EPB41: variants seen among roughly 807,000 people sequenced by gnomAD.
EPB41 encodes erythrocyte membrane protein band 4.1.
Under a neutral mutation model 108.0 loss-of-function variants are expected in EPB41, and 65 were observed. The ratio of observed to expected loss-of-function variants is 0.60; its 90% CI spans 0.49 to 0.74. EPB41 has a LOEUF of 0.74. Among genes scored for constraint, EPB41 ranks in the 30% least tolerant of loss-of-function variants. The probability of loss-of-function intolerance (pLI) is 0.00; values close to 1 mark genes in which losing one functional copy is unlikely to be tolerated. For missense variants in EPB41, 875 were observed against 1,037.0 expected (o/e 0.84, Z 2.15); for synonymous variants, 336 against 358.9 (o/e 0.94, Z 0.72).
Position 29,039,410 on chromosome 1 carries a change from C to T in EPB41, c.1620C>T (p.Ser540=), listed in dbSNP as rs745392056. 23 of 1,613,906 alleles carry T rather than the reference C, an allele frequency of 1.4e-5. No homozygotes were observed. Among genetic ancestry groups the T allele is most frequent in the Admixed American group, 1.7e-5 (1 of 59,990 alleles). Residue 540 remains serine (S), a synonymous_variant, in exon 11 of 21, where the codon TCC becomes TCT. Transcript: ENST00000343067. ...AGCGTACAGCAAGTAAACGGGCGTC[C>T]CGGAGCCTCGATGGAGGTTTGTATT... ...HFERTASKRA[S]RSLDGAAAVD...
chr1:29,030,534 T>C (rs1275015848), intron 8 of EPB41, 47 bp downstream of exon 8: 1 of 1,322,506 alleles, frequency 7.6e-7, no homozygotes, highest in African/African-American at 1.4e-5. Flanking sequence ...GAAGATATTA[T>C]ATGATACATG....
chr1:29,109,198 CA>C (rs957578381), intron 17 of EPB41, 137 bp from the exon 18 acceptor site: 51,508 of 529,752 alleles, frequency 0.097, no homozygotes, highest in Middle Eastern at 0.11. Flanking sequence ...AACTCCGTCT[CA>C]AAAAAAAAAA....
At chr1:28,930,072 CACTA>C (rs1440398226) in intron 1 of EPB41, among the ~76,000 whole-genome samples, 2 of 151,196 alleles carry the variant, frequency 1.3e-5, no homozygotes, top group East Asian at 3.9e-4. Flanking sequence ...CCTAGGTAAG[CACTA>C]ACTACTTTAT....
intron 7 of EPB41, among the ~76,000 whole-genome samples, chr1:29,023,082 C>T (rs1385176540): frequency 1.3e-5 from 2 of 151,194 alleles, no homozygotes; most frequent in African/African-American, 4.9e-5. Flanking sequence ...GCAATCTCCG[C>T]CTGCTTGGTT....
chr1:28,984,848 G>A (rs1330978455), intron 1 of EPB41, among the ~76,000 whole-genome samples: 1 of 152,046 alleles, frequency 6.6e-6, no homozygotes, highest in Non-Finnish European at 1.5e-5. Context: ...TTATAAATAC[G>A]ATGTTTTGCT....
At chr1:28,952,948 C>T (rs887269416) in intron 1 of EPB41, among the ~76,000 whole-genome samples, 1 of 152,118 alleles carries the variant, frequency 6.6e-6, no homozygotes, top group Non-Finnish European at 1.5e-5. Flanking sequence ...AAGCTGGTCT[C>T]GAACTCCTGA....
intron 1 of EPB41, among the ~76,000 whole-genome samples, chr1:28,938,535 A>ATT (rs35883902): frequency 0.13 from 18,778 of 145,102 alleles, 1,460 homozygotes; most frequent in East Asian, 0.35. Context: ...TGATTTTTGA[A>ATT]TTTTTTTTTT....
chr1:28,957,423 G>A (rs958652563), intron 1 of EPB41, among the ~76,000 whole-genome samples: 11 of 151,234 alleles, frequency 7.3e-5, no homozygotes, highest in African/African-American at 2.7e-4. Flanking sequence ...CTTTTTTTTT[G>A]AAACGGAGTC....
chr1:29,008,913 T>C (rs572838207), intron 4 of EPB41, among the ~76,000 whole-genome samples: 3 of 152,340 alleles, frequency 2.0e-5, no homozygotes, highest in Admixed American at 2.0e-4. Context: ...CCTTCAAGAC[T>C]CCATTTAGAT....
intron 1 of EPB41, among the ~76,000 whole-genome samples, chr1:28,960,733 T>A (rs1315887465): frequency 7.5e-6 from 1 of 134,022 alleles, no homozygotes; most frequent in Non-Finnish European, 1.6e-5. Context: ...CGCAAAAAAA[T>A]TTAAAAAAAG....
chr1:28,958,266 T>C (rs770430469), intron 1 of EPB41, among the ~76,000 whole-genome samples: 4 of 152,130 alleles, frequency 2.6e-5, no homozygotes, highest in Non-Finnish European at 5.9e-5. Flanking sequence ...CTGGGCAATA[T>C]GGTAAAACCC....
At chr1:29,070,174 T>C in intron 16 of EPB41, 1 of 397,998 alleles carries the variant, frequency 2.5e-6, no homozygotes, top group Non-Finnish European at 4.4e-6. Context: ...AAGGTATCTA[T>C]TGAGCACCCT....
At chr1:28,921,938 T>TTATATATATATATATATA (rs66808636) in intron 1 of EPB41, among the ~76,000 whole-genome samples, 3,064 of 101,596 alleles carry the variant, frequency 0.03, 72 homozygotes, top group East Asian at 0.07. Context: ...TTATGAAATT[T>TTATATATATATATATATA]TATATATATA....
intron 17 of EPB41, among the ~76,000 whole-genome samples, chr1:29,108,973 C>A (rs375324005): frequency 2.6e-5 from 4 of 151,022 alleles, no homozygotes; most frequent in African/African-American, 7.3e-5. Context: ...CCGAGGCAGG[C>A]GGATCACCTG....
At chr1:29,016,619 A>G (rs1162689931) in intron 6 of EPB41, among the ~76,000 whole-genome samples, 1 of 152,152 alleles carries the variant, frequency 6.6e-6, no homozygotes, top group East Asian at 1.9e-4. Flanking sequence ...GAGCCCACCT[A>G]ATTTATTAAA....
At chr1:29,056,681 A>G (rs1339985444) in intron 12 of EPB41, among the ~76,000 whole-genome samples, 1 of 152,066 alleles carries the variant, frequency 6.6e-6, no homozygotes, top group Non-Finnish European at 1.5e-5. Flanking sequence ...GCCCGCCACC[A>G]TGCCCAGCTA....
intron 1 of EPB41, among the ~76,000 whole-genome samples, chr1:28,966,387 G>A (rs1463526157): frequency 6.6e-6 from 1 of 152,036 alleles, no homozygotes; most frequent in African/African-American, 2.4e-5. Flanking sequence ...CTGGCCTTTG[G>A]ACTTATCAAA....
At chr1:29,062,798 A>G (rs997550358) in intron 15 of EPB41, among the ~76,000 whole-genome samples, 7 of 151,914 alleles carry the variant, frequency 4.6e-5, no homozygotes, top group African/African-American at 1.5e-4. Flanking sequence ...CAAGTTGTCT[A>G]TGACAAATTC....
At chr1:29,080,097 ATTATTTAT>A (rs33953606) in intron 16 of EPB41, among the ~76,000 whole-genome samples, 18,279 of 145,672 alleles carry the variant, frequency 0.13, 1,464 homozygotes, top group African/African-American at 0.24. Context: ...ATAAAGCAAC[ATTATTTAT>A]TTATTTATTT....
Sources: gnomAD v4.1 joint callset for allele counts (sites outside exome capture counted in the v4.1 genomes callset) on GRCh38, gnomAD v4.1.1 for gene constraint, MANE v1.5 for transcripts, NCBI Gene and HGNC (gene_info 2026-07-23, HGNC 2026-07-21) for gene names.